The following LRP1B variants were observed in gnomAD, a reference collection of about 807,000 sequenced individuals.
The protein encoded by LRP1B is low-density lipoprotein receptor-related protein 1B.
A neutral mutation model predicts 556.6 loss-of-function variants in LRP1B; 217 were observed. The ratio of observed to expected loss-of-function variants is 0.39; its 90% CI spans 0.35 to 0.44. The LOEUF is 0.44. Ranked by LOEUF, LRP1B falls within the 20% of genes least tolerant of loss-of-function variation. The probability of loss-of-function intolerance (pLI) is 1.00; values close to 1 mark genes in which losing one functional copy is unlikely to be tolerated. For missense variants in LRP1B, 5,053 were observed against 5,620.8 expected (o/e 0.90, Z 3.23); for synonymous variants, 2,047 against 1,865.8 (o/e 1.10, Z -2.50).
chr2:140,976,234 CTCT>C (rs1398290688), intron 18 of LRP1B, among the ~76,000 whole-genome samples: 5 of 151,810 alleles, frequency 3.3e-5, no homozygotes, highest in Non-Finnish European at 7.4e-5. Flanking sequence ...TTCTCTTCCT[CTCT>C]TCTTCTCTCT....
chr2:141,700,277 T>G (rs1691893306), intron 2 of LRP1B, among the ~76,000 whole-genome samples: 1 of 151,844 alleles, frequency 6.6e-6, no homozygotes, highest in South Asian at 2.1e-4. Context: ...TATTCCCCGC[T>G]GGCAGACTGT....
At chr2:142,026,256 TTAAGA>T (rs1703498640) in intron 1 of LRP1B, among the ~76,000 whole-genome samples, 1 of 152,144 alleles carries the variant, frequency 6.6e-6, no homozygotes, top group Admixed American at 6.6e-5. Context: ...AACACATCTG[TTAAGA>T]TATGAGTCTT....
chr2:142,076,014 A>G (rs980185641), intron 1 of LRP1B, among the ~76,000 whole-genome samples: 12 of 152,124 alleles, frequency 7.9e-5, no homozygotes, highest in Non-Finnish European at 1.0e-4. Context: ...TCAGAAAAGC[A>G]TTCTTAACCA....
intron 3 of LRP1B, among the ~76,000 whole-genome samples, chr2:141,364,554 T>C (rs1346643169): frequency 6.6e-6 from 1 of 152,202 alleles, no homozygotes; most frequent in Non-Finnish European, 1.5e-5. Flanking sequence ...CTTCTTCCAC[T>C]TATCTAAGTA....
In LRP1B at chr2:141,679,445, G is replaced by T. The variant is rs78848778; in HGVS notation, c.205+130834C>A. ...CAAATAAACAAAAATCTAAAAGTCT[G>T]ATTATAACGAGTATTATTTAAGTAT... On this transcript the variant is annotated intron_variant, in intron 2 of 90. Transcript: ENST00000389484. 6.9e-3 allele frequency among the ~76,000 whole-genome samples: 1,047 copies of T among 152,226 alleles called. 13 individuals carry two copies. The highest frequency in any genetic ancestry group is 0.024 in the African/African-American group (996 of 41,524).
intron 1 of LRP1B, among the ~76,000 whole-genome samples, chr2:142,106,395 C>G (rs575712998): frequency 1.3e-5 from 2 of 152,110 alleles, no homozygotes; most frequent in Admixed American, 6.6e-5. Context: ...TTGAAACAAC[C>G]TCATGTCATA....
intron 2 of LRP1B, among the ~76,000 whole-genome samples, chr2:141,614,178 G>T (rs367777141): frequency 1.1e-4 from 17 of 151,504 alleles, no homozygotes; most frequent in African/African-American, 3.6e-4. Context: ...ACAGAGAGGA[G>T]GTAAATGCTG....
intron 83 of LRP1B, among the ~76,000 whole-genome samples, chr2:140,302,837 C>G (rs2105010787): frequency 6.6e-6 from 1 of 151,874 alleles, no homozygotes; most frequent in South Asian, 2.1e-4. Context: ...CCCAGTTGCT[C>G]AGGTCATTGC....
At chr2:141,534,888 G>A (rs1685015780) in intron 2 of LRP1B, among the ~76,000 whole-genome samples, 1 of 152,056 alleles carries the variant, frequency 6.6e-6, no homozygotes, top group African/African-American at 2.4e-5. Context: ...ACTTTCAAAT[G>A]TGTCTGTTTC....
intron 3 of LRP1B, among the ~76,000 whole-genome samples, chr2:141,313,211 G>A (rs1257084127): frequency 6.6e-6 from 1 of 151,942 alleles, no homozygotes; most frequent in Non-Finnish European, 1.5e-5. Context: ...TTCTATTATT[G>A]TAGAGCAGTA....
At chr2:140,876,886 T>C (rs1465608790) in intron 25 of LRP1B, among the ~76,000 whole-genome samples, 2 of 152,196 alleles carry the variant, frequency 1.3e-5, no homozygotes, top group Non-Finnish European at 2.9e-5. Context: ...GATTTGTCTT[T>C]AGTGAAAATG....
chr2:140,601,309 A>T, intron 42 of LRP1B, 141 bp downstream of exon 42: 1 of 623,388 alleles, frequency 1.6e-6, no homozygotes, highest in Non-Finnish European at 2.2e-6. Context: ...CTCTTACATA[A>T]AAAAAAAAGT....
chr2:140,771,424 C>A lies in LRP1B; in HGVS notation c.5501-418G>T, dbSNP rs573049941. Among the ~76,000 whole-genome samples the A allele has an allele frequency of 8.5e-5, 13 of 152,232 alleles. 1 individual carries two copies. The highest frequency in any genetic ancestry group is 3.1e-4 in the African/African-American group (13 of 41,544). On this transcript the variant is annotated intron_variant, in intron 33 of 90. Coordinates refer to ENST00000389484, the MANE Select transcript of LRP1B (RefSeq NM_018557.3). ...TAAATAGCTGTTAAATTATTACTAA[C>A]CACTCAAAGATTATGCGTCTAAAAG... is the stretch of plus-strand genomic sequence containing the variant.
chr2:141,718,595 T>G (rs562307781), intron 2 of LRP1B, among the ~76,000 whole-genome samples: 1 of 152,332 alleles, frequency 6.6e-6, no homozygotes, highest in South Asian at 2.1e-4. Flanking sequence ...GGCCAAAACA[T>G]CTGTATCAAC....
rs143763825 is a variant in LRP1B, at chr2:141,205,858, A to T, written c.851-17275T>A. 5.2e-3 allele frequency among the ~76,000 whole-genome samples: 789 copies of T among 152,242 alleles called. 5 individuals carry two copies. Among genetic ancestry groups the T allele is most frequent in the African/African-American group, 0.018 (759 of 41,538 alleles). On this transcript the variant is annotated intron_variant, in intron 6 of 90. Coordinates refer to ENST00000389484, the MANE Select transcript of LRP1B (RefSeq NM_018557.3). ...AAGAAAAAGATCATTTATTTTAAAAACCTGCATTTGTATGTCAGCAGAATT... is the reference window on the plus strand; with the variant it reads ...AAGAAAAAGATCATTTATTTTAAAATCCTGCATTTGTATGTCAGCAGAATT...
intron 3 of LRP1B, among the ~76,000 whole-genome samples, chr2:141,473,717 T>C (rs1682566450): frequency 6.6e-6 from 1 of 152,112 alleles, no homozygotes; most frequent in African/African-American, 2.4e-5. Context: ...GCTGTAGACT[T>C]ATTGATGTTT....
intron 2 of LRP1B, among the ~76,000 whole-genome samples, chr2:141,546,836 T>G (rs191762225): frequency 2.6e-5 from 4 of 152,306 alleles, no homozygotes; most frequent in African/African-American, 9.6e-5. Flanking sequence ...TCCAACACTG[T>G]TCTCTTCAGA....
chr2:140,737,177 A>G (rs897594516), intron 35 of LRP1B, among the ~76,000 whole-genome samples: 1 of 152,154 alleles, frequency 6.6e-6, no homozygotes, highest in Non-Finnish European at 1.5e-5. Context: ...GCAAATGAAG[A>G]AGTAGCCAAG....
chr2:141,818,486 T>G (rs545303975), intron 1 of LRP1B, among the ~76,000 whole-genome samples: 2 of 149,888 alleles, frequency 1.3e-5, no homozygotes, highest in Non-Finnish European at 3.0e-5. Context: ...CTTTTAACTC[T>G]CCTTAATATT....
Sources: allele counts gnomAD v4.1 joint callset (sites outside exome capture counted in the v4.1 genomes callset), GRCh38; gene constraint gnomAD v4.1.1; transcripts MANE v1.5; gene names NCBI Gene and HGNC (gene_info 2026-07-23, HGNC 2026-07-21).